The following FAM20A variants were observed in gnomAD, a reference collection of about 807,000 sequenced individuals.
FAM20A encodes FAM20A golgi associated secretory pathway pseudokinase, also known as pseudokinase FAM20A.
FAM20A carries 42 observed loss-of-function variants against 52.0 expected under a neutral mutation model. That is an observed-to-expected ratio of 0.81 (90% CI 0.63 to 1.04). The LOEUF (loss-of-function observed/expected upper bound fraction) is 1.04, where lower values mean the gene tolerates loss of function less well. Among genes scored for constraint, FAM20A ranks in the 50% least tolerant of loss-of-function variants. FAM20A has a pLI of 0.00. For synonymous variants in FAM20A, 304 were observed against 298.9 expected, an observed-to-expected ratio of 1.02 and a Z score of -0.18; for missense variants, 742 against 712.7, an observed-to-expected ratio of 1.04 and a Z score of -0.47.
At chr17:68,565,067 C>A (rs549616819) in intron 1 of FAM20A, among the ~76,000 whole-genome samples, 160 of 152,236 alleles carry the variant, frequency 1.1e-3, no homozygotes, top group Non-Finnish European at 1.8e-3. Context: ...TTGGATCCCC[C>A]GCCTCCAAAG....
In FAM20A at chr17:68,584,082, C is replaced by T. The variant is rs2088093479; in HGVS notation, c.404+16181G>A. On this transcript the variant is annotated intron_variant, in intron 1 of 10. Coordinates refer to ENST00000592554, the MANE Select transcript of FAM20A (RefSeq NM_017565.4). ...CTGTATTCTCAGCACTTTGGGAGGA[C>T]GAGGCAGGTGGATCACTTGAGGCCA... Among the ~76,000 whole-genome samples, 5 of 152,070 alleles carry T rather than the reference C, an allele frequency of 3.3e-5. No homozygotes were observed. In the South Asian group the frequency reaches 1.0e-3, roughly 32 times the overall value.
At position 68,535,483 on chromosome 17, in the gene FAM20A, G is replaced by A. The variant is rs1424215550; in HGVS notation, c.*1994C>T. The A allele has an allele frequency of 4.4e-6, 2 of 453,996 alleles. No individual in the cohort carries two copies. The highest frequency in any genetic ancestry group is 3.1e-5 in the South Asian group (2 of 64,470). 28.1% of individuals were successfully genotyped at this position (453,996 alleles called of 1,614,324 possible). On this transcript the variant is annotated 3_prime_UTR_variant, in exon 11 of 11. Coordinates refer to ENST00000592554, the MANE Select transcript of FAM20A (RefSeq NM_017565.4). ...AACCATTTTGTGCTATTCTTTGAAT[G>A]TTTTTACCCAGATATTTTCCCATTT...
rs1294982517 is a variant in FAM20A at position 68,542,162 on chromosome 17, C to T, written c.932G>A (p.Ser311Asn). ...ACACTTGGCGAAGAAGCACACGTTG[C>T]TCGCTGGAGGATGGGGAGGAGAGAG... ...LQSVFFVSPA[S>N]NVCFFAKCPY... The change falls in exon 7 of 11, where the codon AGC becomes AAC. Residue 311 changes from serine (S) to asparagine (N), a missense_variant. Ser to Asn is a conservative substitution (Grantham distance 46). Transcript: ENST00000592554. The T allele has an allele frequency of 6.2e-7, 1 of 1,613,868 alleles. No individual in the cohort carries two copies. The highest frequency in any genetic ancestry group is 1.7e-5 in the Admixed American group (1 of 60,010).
In FAM20A at chr17:68,537,028, G is replaced by T. The variant is rs1339617471; in HGVS notation, c.*449C>A. The T allele has an allele frequency of 2.2e-6, 1 of 455,802 alleles. No individual in the cohort carries two copies. Among genetic ancestry groups the T allele is most frequent in the Admixed American group, 2.3e-5 (1 of 42,612 alleles). The allele number at this position is 455,802 out of a possible 1,614,324, so 28.2% of individuals were successfully genotyped here. On this transcript the variant is annotated 3_prime_UTR_variant, in exon 11 of 11. Coordinates refer to ENST00000592554, the MANE Select transcript of FAM20A (RefSeq NM_017565.4). The surrounding 1 kb of genome is among the most constrained non-coding windows in gnomAD (Gnocchi z 4.2). ...GTTGCCTGCGCTGGCCCAAAGTGCAGATTTTTAGTCAGCTTGTGATAGGCC... is the reference window on the plus strand; with the variant it reads ...GTTGCCTGCGCTGGCCCAAAGTGCATATTTTTAGTCAGCTTGTGATAGGCC...
intron 1 of FAM20A, among the ~76,000 whole-genome samples, chr17:68,571,993 T>C (rs113112260): frequency 6.8e-3 from 106 of 15,672 alleles, no homozygotes; most frequent in African/African-American, 0.05. Context: ...CATACATATA[T>C]ATATATATAT....
At chr17:68,546,848 AAG>A in intron 4 of FAM20A, among the ~76,000 whole-genome samples, 1 of 151,462 alleles carries the variant, frequency 6.6e-6, no homozygotes, top group Admixed American at 6.6e-5. Context: ...AAAAAAAAAA[AAG>A]GTAAGACTTG....
chr17:68,562,738 CA>C (rs1317059717), intron 1 of FAM20A, among the ~76,000 whole-genome samples: 2 of 152,106 alleles, frequency 1.3e-5, no homozygotes, highest in Non-Finnish European at 2.9e-5. Context: ...CACAATGCCC[CA>C]TCTCCTTGAG....
chr17:68,563,099 C>T (rs1323854067), intron 1 of FAM20A, among the ~76,000 whole-genome samples: 2 of 152,082 alleles, frequency 1.3e-5, no homozygotes, highest in African/African-American at 2.4e-5. Flanking sequence ...TTGAAACATG[C>T]AAACAGCCGG....
chr17:68,536,790 T>C lies in FAM20A; in HGVS notation c.*687A>G. On this transcript the variant is annotated 3_prime_UTR_variant, in exon 11 of 11. Coordinates refer to ENST00000592554, the MANE Select transcript of FAM20A (RefSeq NM_017565.4). ...CTGTTACTGGCTGCTTAGTGTGACA[T>C]ATTTGATGTTATTTCAATTGTAATA... 2.2e-6 allele frequency: 1 copy of C among 454,090 alleles called. No homozygotes were observed. The highest frequency in any genetic ancestry group is 4.4e-6 in the Non-Finnish European group (1 of 226,782). The allele number at this position is 454,090 out of a possible 1,614,324, so 28.1% of individuals were successfully genotyped here. A position where few individuals can be genotyped will look rare whatever the true frequency, so the allele number is the denominator to read the frequency against.
chr17:68,581,435 C>CT (rs1490739219), intron 1 of FAM20A, among the ~76,000 whole-genome samples: 7 of 81,884 alleles, frequency 8.5e-5, no homozygotes, highest in South Asian at 4.7e-4. Flanking sequence ...TTCTTTCTTT[C>CT]TTTTCTTTTT....
Position 68,539,888 on chromosome 17 carries a change from C to T in FAM20A, c.1298G>A (p.Arg433Lys). ...GAACACACGTGGGGAAGCTCACCCT[C>T]TGGCGTTGTCAAGGTGAATAAGGAA... ...DGFLIHLDNA[R>K]GFGRHSHDEI... is the part of the protein sequence containing the mutation. The change falls in exon 9 of 11, where the codon AGA (arginine) becomes AAA (lysine). Residue 433 changes from arginine to lysine, a missense_variant. Coordinates refer to ENST00000592554, the MANE Select transcript of FAM20A (RefSeq NM_017565.4). The T allele has an allele frequency of 1.2e-6, 2 of 1,614,120 alleles. No homozygotes were observed. The highest frequency in any genetic ancestry group is 1.7e-6 in the Non-Finnish European group (2 of 1,179,974).
intron 3 of FAM20A, 124 bp from the exon 4 acceptor site, chr17:68,552,075 G>A (rs560996767): frequency 5.6e-5 from 39 of 698,216 alleles, no homozygotes; most frequent in Non-Finnish European, 9.7e-5. Context: ...CTAAAGACTA[G>A]GATGTGCTCT....
At chr17:68,564,743 G>C (rs2087325484) in intron 1 of FAM20A, among the ~76,000 whole-genome samples, 1 of 152,218 alleles carries the variant, frequency 6.6e-6, no homozygotes, top group African/African-American at 2.4e-5. Context: ...CCTGGAAATG[G>C]AGCTTCGGTG....
rs1414741399 is a variant in FAM20A, at chr17:68,600,177, C to T, written c.404+86G>A. 25 of 1,466,620 alleles carry T rather than the reference C, an allele frequency of 1.7e-5. No homozygotes were observed. Among genetic ancestry groups the T allele is most frequent in the East Asian group, 1.2e-4 (5 of 40,386 alleles). The allele number at this position is 1,466,620 out of a possible 1,614,324, so 90.9% of individuals were successfully genotyped here. A position where few individuals can be genotyped will look rare whatever the true frequency, so the allele number is the denominator to read the frequency against. On this transcript the variant is annotated intron_variant, in intron 1 of 10. Transcript: ENST00000592554. The surrounding 1 kb of genome is among the most constrained non-coding windows in gnomAD (Gnocchi z 6.2). ...GGGTGGAGCCGCTGCAGCCCTGGGC[C>T]GGGGGCGTCAGGAAACTCGAGACTG... is the stretch of plus-strand genomic sequence containing the variant.
intron 6 of FAM20A, 72 bp downstream of exon 6, chr17:68,542,622 A>T: frequency 4.2e-6 from 5 of 1,177,298 alleles, no homozygotes; most frequent in Non-Finnish European, 6.4e-6. Flanking sequence ...CAGGCCACTG[A>T]TGAATGGAGG....
chr17:68,571,456 G>A (rs189004482), intron 1 of FAM20A, among the ~76,000 whole-genome samples: 2 of 152,304 alleles, frequency 1.3e-5, no homozygotes, highest in Admixed American at 6.5e-5. Context: ...CTTGGACACA[G>A]GAATTGCACT....
Position 68,535,427 on chromosome 17 carries a change from G to C in FAM20A, c.*2050C>G, listed in dbSNP as rs2086072486. Reference sequence around the variant, plus strand: ...GGGTTTTGAGGTAGAGCTGTAGCCTGCTTTCCTGAGAGTCTTATTTGGAAG... The same window carrying C: ...GGGTTTTGAGGTAGAGCTGTAGCCTCCTTTCCTGAGAGTCTTATTTGGAAG... On this transcript the variant is annotated 3_prime_UTR_variant, in exon 11 of 11. Coordinates refer to ENST00000592554, the MANE Select transcript of FAM20A (RefSeq NM_017565.4). 1 of 453,970 alleles carries C rather than the reference G, an allele frequency of 2.2e-6. No individual in the cohort carries two copies. Among genetic ancestry groups the C allele is most frequent in the Non-Finnish European group, 4.4e-6 (1 of 226,798 alleles). 28.1% of individuals were successfully genotyped at this position (453,970 alleles called of 1,614,324 possible). A position where few individuals can be genotyped will look rare whatever the true frequency, so the allele number is the denominator to read the frequency against.
chr17:68,581,588 T>C (rs1347739456), intron 1 of FAM20A, among the ~76,000 whole-genome samples: 3 of 147,144 alleles, frequency 2.0e-5, no homozygotes, highest in Non-Finnish European at 4.5e-5. Context: ...TTCCTTTTTT[T>C]TTTTTTTGAC....
rs1324816667 is a variant in FAM20A at position 68,536,567 on chromosome 17, A to G, written c.*910T>C. The G allele has an allele frequency of 8.8e-6, 4 of 453,904 alleles. No individual in the cohort carries two copies. Among genetic ancestry groups the G allele is most frequent in the South Asian group, 4.7e-5 (3 of 64,458 alleles). 28.1% of individuals were successfully genotyped at this position (453,904 alleles called of 1,614,324 possible). On this transcript the variant is annotated 3_prime_UTR_variant, in exon 11 of 11. Transcript: ENST00000592554. The stretch of plus-strand genomic sequence containing the variant: ...CATCTAGAGGGCCTCACCTTTCCAC[A>G]TAGCCCCTTTCTTCTTTTGGGGATG...
Sources: gnomAD v4.1 joint callset for allele counts (sites outside exome capture counted in the v4.1 genomes callset) on GRCh38, gnomAD v4.1.1 for gene constraint, Gnocchi (gnomAD v3.1) non-coding constraint, MANE v1.5 for transcripts, NCBI Gene and HGNC (gene_info 2026-07-23, HGNC 2026-07-21) for gene names.